ABLIM1: variants seen among roughly 807,000 people sequenced by gnomAD.
The protein encoded by ABLIM1 is actin-binding LIM protein 1.
A neutral mutation model predicts 107.0 loss-of-function variants in ABLIM1; 40 were observed. The ratio of observed to expected loss-of-function variants is 0.37; its 90% confidence interval spans 0.29 to 0.49. The LOEUF is 0.49. ABLIM1 is among the 20% of genes least tolerant of loss of function. The pLI, the probability that ABLIM1 is intolerant of heterozygous loss-of-function variation, is 0.97. For missense variants in ABLIM1, 857 were observed against 1,008.5 expected (o/e 0.85, Z 2.04); for synonymous variants, 357 against 357.3 (o/e 1.00, Z 0.01).
At position 114,432,638 on chromosome 10, in the gene ABLIM1, G is replaced by C. The variant is rs1227558697; in HGVS notation, c.*3622C>G. ...TTGCCAGCTAGACGTCTCCGAGTTA[G>C]AGTTGATTGATATACTGGATTGGGA... On this transcript the variant is annotated 3_prime_UTR_variant, in exon 23 of 23. Transcript: ENST00000533213. 6.6e-6 allele frequency: 1 copy of C among 152,176 alleles called. No homozygotes were observed. The highest frequency in any genetic ancestry group is 6.5e-5 in the Admixed American group (1 of 15,282). The allele number at this position is 152,176 out of a possible 1,614,324, so 9.4% of individuals were successfully genotyped here.
At chr10:114,586,968 A>G (rs978516544) in intron 2 of ABLIM1, among the ~76,000 whole-genome samples, 2 of 152,192 alleles carry the variant, frequency 1.3e-5, no homozygotes, top group Non-Finnish European at 2.9e-5. Context: ...CTGTATCTTC[A>G]ACTGCCTACC....
At chr10:114,610,711 G>T (rs966400965) in intron 1 of ABLIM1, 1 of 152,226 alleles carries the variant, frequency 6.6e-6, no homozygotes, top group Admixed American at 6.5e-5. Context: ...TGTCCAAAAT[G>T]ATCCTTCTCT....
intron 1 of ABLIM1, among the ~76,000 whole-genome samples, chr10:114,724,036 A>G (rs35927479): frequency 0.36 from 54,532 of 152,092 alleles, 11,231 homozygotes; most frequent in Non-Finnish European, 0.47. Flanking sequence ...CAGGAGAGTC[A>G]TGATTTTATT....
chr10:114,584,986 A>G (rs984356901), intron 2 of ABLIM1, among the ~76,000 whole-genome samples: 9 of 151,680 alleles, frequency 5.9e-5, no homozygotes, highest in Admixed American at 1.3e-4. Flanking sequence ...TATCATACAG[A>G]AATAAATATT....
Position 114,707,512 on chromosome 10 carries a change from G to A in ABLIM1, c.-213+60549C>T, listed in dbSNP as rs200224461. 7.9e-5 allele frequency among the ~76,000 whole-genome samples: 12 copies of A among 152,138 alleles called. No homozygotes were observed. The highest frequency in any genetic ancestry group is 2.4e-4 in the African/African-American group (10 of 41,432). ...CTCCCAAAGTGCTGGGATTACAGGC[G>A]TAAGCCACCACACCTGGCCCAGTTT... On this transcript the variant is annotated intron_variant, in intron 1 of 15. Transcript: ENST00000651092. This position sits in a 1 kb window ranked among gnomAD's most constrained non-coding sequence, Gnocchi z 4.1.
chr10:114,644,148 G>A (rs1201736271), intron 1 of ABLIM1, among the ~76,000 whole-genome samples: 2 of 149,280 alleles, frequency 1.3e-5, no homozygotes, highest in African/African-American at 2.5e-5. Flanking sequence ...GGGCATGGTG[G>A]CGGGCACCTG....
At chr10:114,456,496 C>T (rs1378875613) in intron 12 of ABLIM1, among the ~76,000 whole-genome samples, 2 of 152,146 alleles carry the variant, frequency 1.3e-5, no homozygotes, top group Admixed American at 6.5e-5. Flanking sequence ...CTTCTGAACC[C>T]CCCTGCCCCA....
At chr10:114,644,972 G>A (rs770398768) in intron 1 of ABLIM1, among the ~76,000 whole-genome samples, 16 of 152,108 alleles carry the variant, frequency 1.1e-4, no homozygotes, top group Non-Finnish European at 1.9e-4. Context: ...CATTTCCTGG[G>A]TTCCTATCCC....
chr10:114,790,014 A>C, the ABLIM1 span, among the ~76,000 whole-genome samples: 1 of 152,206 alleles, frequency 6.6e-6, no homozygotes, highest in African/African-American at 2.4e-5. Flanking sequence ...GCTGGTCTAG[A>C]ACTCCTGACT....
chr10:114,650,299 G>A (rs566224689), intron 1 of ABLIM1, among the ~76,000 whole-genome samples: 43 of 152,276 alleles, frequency 2.8e-4, no homozygotes, highest in African/African-American at 9.6e-4. Context: ...TAGGATCAAA[G>A]GATGGGAAAT....
intron 8 of ABLIM1, among the ~76,000 whole-genome samples, chr10:114,486,318 C>A (rs754353779): frequency 6.6e-6 from 1 of 152,178 alleles, no homozygotes; most frequent in African/African-American, 2.4e-5. Flanking sequence ...TCCCAAACGA[C>A]TTCATCAGAG....
Position 114,439,270 on chromosome 10 carries a change from T to C in ABLIM1, c.2068-20A>G. 1 of 1,614,080 alleles carries C rather than the reference T, an allele frequency of 6.2e-7. No homozygotes were observed. The highest frequency in any genetic ancestry group is 8.5e-7 in the Non-Finnish European group (1 of 1,179,922). On this transcript the variant is annotated intron_variant, in intron 20 of 22. Coordinates refer to ENST00000533213, the MANE Select transcript of ABLIM1 (RefSeq NM_002313.7). ...GAGTGTCTGCAACAGAAATGCCAGT[T>C]CCAGGTGAGGCATGAAATAGTCTAG...
chr10:114,635,604 A>G (rs530975973), intron 1 of ABLIM1, among the ~76,000 whole-genome samples: 53 of 152,236 alleles, frequency 3.5e-4, no homozygotes, highest in South Asian at 1.0e-3. Flanking sequence ...GGTCACTGCA[A>G]CCTCCGCCTC....
chr10:114,581,647 AT>A (rs764172547), intron 2 of ABLIM1, among the ~76,000 whole-genome samples: 61 of 152,302 alleles, frequency 4.0e-4, no homozygotes, highest in Non-Finnish European at 7.9e-4. Flanking sequence ...GAGCATTTTA[AT>A]TGGGGTGCCA....
At chr10:114,787,183 C>T in the ABLIM1 span, among the ~76,000 whole-genome samples, 6 of 151,736 alleles carry the variant, frequency 4.0e-5, no homozygotes, top group Non-Finnish European at 8.8e-5. Flanking sequence ...TCTGCCCGGC[C>T]GCCCCGTCTG....
intron 1 of ABLIM1, among the ~76,000 whole-genome samples, chr10:114,744,391 C>G (rs190106094): frequency 6.6e-6 from 1 of 152,158 alleles, no homozygotes; most frequent in African/African-American, 2.4e-5. Context: ...CAGACTGATA[C>G]GACCGGAAAA....
intron 1 of ABLIM1, among the ~76,000 whole-genome samples, chr10:114,715,830 A>T (rs977850146): frequency 6.6e-6 from 1 of 152,264 alleles, no homozygotes; most frequent in Non-Finnish European, 1.5e-5. Flanking sequence ...GCAATCAAAG[A>T]TTATACTTCC....
At chr10:114,781,232 A>T in the ABLIM1 span, among the ~76,000 whole-genome samples, 2 of 152,158 alleles carry the variant, frequency 1.3e-5, no homozygotes, top group Non-Finnish European at 2.9e-5. Context: ...GGCCGGGTGC[A>T]GTGGCTTAAG....
At chr10:114,555,776 T>G (rs1490211294) in intron 4 of ABLIM1, among the ~76,000 whole-genome samples, 1 of 152,134 alleles carries the variant, frequency 6.6e-6, no homozygotes, top group Non-Finnish European at 1.5e-5. Flanking sequence ...AAAAATCAAT[T>G]TTCAGTATTG....
Sources: gnomAD v4.1 joint callset for allele counts (sites outside exome capture counted in the v4.1 genomes callset) on GRCh38, gnomAD v4.1.1 for gene constraint, Gnocchi (gnomAD v3.1) non-coding constraint, MANE v1.5 for transcripts, NCBI Gene and HGNC (gene_info 2026-07-23, HGNC 2026-07-21) for gene names.